Variants in ROBO2 observed in about 807,000 individuals in gnomAD.
ROBO2 encodes the protein roundabout homolog 2.
In ROBO2, 53 loss-of-function variants were observed where a neutral mutation model predicts 160.8. The observed-to-expected ratio is 0.33, with a 90% CI of 0.26 to 0.41. The LOEUF is 0.41. Ranked by LOEUF, ROBO2 falls within the 10% of genes least tolerant of loss-of-function variation. ROBO2 has a pLI of 1.00. For missense variants in ROBO2, 1,577 were observed against 1,722.4 expected (o/e 0.92, Z 1.49); for synonymous variants, 664 against 611.7 (o/e 1.09, Z -1.26).
intron 2 of ROBO2, among the ~76,000 whole-genome samples, chr3:76,453,491 A>T (rs1355592388): frequency 6.6e-6 from 1 of 152,048 alleles, no homozygotes; most frequent in African/African-American, 2.4e-5. Context: ...AGTTGTAGAT[A>T]TGCGGCATTA....
At chr3:76,441,315 A>G (rs765391354) in intron 2 of ROBO2, among the ~76,000 whole-genome samples, 4 of 152,212 alleles carry the variant, frequency 2.6e-5, no homozygotes, top group Non-Finnish European at 2.9e-5. Flanking sequence ...ACCTATGAAT[A>G]ATATATGTCA....
At chr3:76,183,231 AGAGGTCCTG>A (rs201085985) in intron 2 of ROBO2, among the ~76,000 whole-genome samples, 3,277 of 152,222 alleles carry the variant, frequency 0.022, 207 homozygotes, top group East Asian at 0.2. Flanking sequence ...ATGGCAGCTC[AGAGGTCCTG>A]GAGACAGCAA....
intron 2 of ROBO2, among the ~76,000 whole-genome samples, chr3:76,086,821 A>G (rs2069032966): frequency 2.6e-5 from 4 of 152,170 alleles, no homozygotes. Context: ...AAGAACACAT[A>G]GACAATGTAA....
intron 2 of ROBO2, among the ~76,000 whole-genome samples, chr3:76,858,380 A>G (rs62261830): frequency 0.1 from 15,682 of 152,112 alleles, 990 homozygotes; most frequent in East Asian, 0.23. Context: ...CCTGTGCCTC[A>G]GCCTCCCAAG....
intron 2 of ROBO2, among the ~76,000 whole-genome samples, chr3:77,368,829 G>A (rs1401667096): frequency 3.3e-5 from 5 of 152,090 alleles, no homozygotes; most frequent in African/African-American, 7.2e-5. Context: ...TACTATAAAC[G>A]TCAAAGTTGG....
At chr3:77,149,034 ATTTTTTTT>A (rs71104654) in intron 2 of ROBO2, among the ~76,000 whole-genome samples, 1 of 126,122 alleles carries the variant, frequency 7.9e-6, no homozygotes, top group African/African-American at 2.9e-5. Context: ...GACAAAGTAA[ATTTTTTTT>A]TTTTTTTTTT....
intron 2 of ROBO2, among the ~76,000 whole-genome samples, chr3:76,461,384 G>T (rs1443390618): frequency 6.6e-6 from 1 of 151,964 alleles, no homozygotes; most frequent in Non-Finnish European, 1.5e-5. Flanking sequence ...ATTTGGGCAG[G>T]GACAAATATC....
At chr3:77,329,470 A>C (rs2153440268) in intron 2 of ROBO2, among the ~76,000 whole-genome samples, 1 of 152,336 alleles carries the variant, frequency 6.6e-6, no homozygotes, top group Non-Finnish European at 1.5e-5. Context: ...TACACAGAAT[A>C]ACCTTCACAT....
chr3:76,447,900 G>T (rs932102203), intron 2 of ROBO2, among the ~76,000 whole-genome samples: 1 of 119,524 alleles, frequency 8.4e-6, no homozygotes, highest in Non-Finnish European at 1.7e-5. Flanking sequence ...TGTGGGGTGG[G>T]GGGAGGGGGG....
At chr3:77,064,336 T>C (rs1306166132) in intron 1 of ROBO2, among the ~76,000 whole-genome samples, 3 of 149,266 alleles carry the variant, frequency 2.0e-5, no homozygotes, top group African/African-American at 7.4e-5. Context: ...TACAAATATT[T>C]AAATAAAATT....
chr3:76,932,364 A>G (rs1052441256), intron 2 of ROBO2, among the ~76,000 whole-genome samples: 3 of 152,128 alleles, frequency 2.0e-5, no homozygotes, highest in Admixed American at 1.3e-4. Flanking sequence ...AATATAAATA[A>G]CATATTACCA....
chr3:77,330,097 G>A (rs1452347913), intron 2 of ROBO2, among the ~76,000 whole-genome samples: 2 of 151,986 alleles, frequency 1.3e-5, no homozygotes, highest in Non-Finnish European at 2.9e-5. Flanking sequence ...AAGTCCAAAT[G>A]TAATATATAT....
intron 2 of ROBO2, among the ~76,000 whole-genome samples, chr3:76,211,327 G>A (rs577725918): frequency 4.6e-5 from 7 of 152,136 alleles, no homozygotes; most frequent in Non-Finnish European, 8.8e-5. Context: ...TTCTTTAGAG[G>A]ATGTTTGATT....
intron 2 of ROBO2, among the ~76,000 whole-genome samples, chr3:76,807,851 G>T (rs946600851): frequency 6.6e-6 from 1 of 151,844 alleles, no homozygotes; most frequent in Admixed American, 6.6e-5. Context: ...TTATGATGAG[G>T]TTCTCATCAC....
intron 2 of ROBO2, among the ~76,000 whole-genome samples, chr3:76,023,983 C>T (rs2066654202): frequency 1.3e-5 from 2 of 151,434 alleles, no homozygotes; most frequent in African/African-American, 4.8e-5. Flanking sequence ...AAATACATTG[C>T]TTCCAATTTT....
chr3:76,536,215 C>T (rs550423830), intron 2 of ROBO2, among the ~76,000 whole-genome samples: 41 of 152,268 alleles, frequency 2.7e-4, no homozygotes, highest in African/African-American at 8.7e-4. Flanking sequence ...TGTCTTACAG[C>T]GGAGGCAAGC....
chr3:76,670,197 C>A (rs1222178561), intron 2 of ROBO2, among the ~76,000 whole-genome samples: 2 of 151,970 alleles, frequency 1.3e-5, no homozygotes, highest in Non-Finnish European at 2.9e-5. Context: ...AACTTGCATG[C>A]AAGTTAGTTT....
At chr3:76,323,949 GC>G (rs1384847236) in intron 2 of ROBO2, among the ~76,000 whole-genome samples, 3 of 152,052 alleles carry the variant, frequency 2.0e-5, no homozygotes, top group Admixed American at 1.3e-4. Context: ...GAGATAAGAA[GC>G]TTTTTCTGTT....
chr3:76,067,679 A>AT lies in ROBO2; in HGVS notation c.109+130085dup, dbSNP rs937626001. Among the ~76,000 whole-genome samples, 14 of 152,042 alleles carry AT rather than the reference A, an allele frequency of 9.2e-5. No individual in the cohort carries two copies. In the South Asian group the frequency reaches 2.1e-3, roughly 23 times the overall value. ...CTTCCAATTACGAAGTAGGAAATGTATTTTTTTTGTAAACTTTCACCAATG... is the reference window on the plus strand; with the variant it reads ...CTTCCAATTACGAAGTAGGAAATGTATTTTTTTTTGTAAACTTTCACCAATG... On this transcript the variant is annotated intron_variant, in intron 2 of 26. Transcript: ENST00000487694.
Sources: gnomAD v4.1 joint callset for allele counts (sites outside exome capture counted in the v4.1 genomes callset) on GRCh38, gnomAD v4.1.1 for gene constraint, MANE v1.5 for transcripts, NCBI Gene and HGNC (gene_info 2026-07-23, HGNC 2026-07-21) for gene names.